SMAD9: variants seen among roughly 807,000 people sequenced by gnomAD.
SMAD9 encodes the protein MAD homolog 9.
A neutral mutation model predicts 46.1 loss-of-function variants in SMAD9; 36 were observed. The ratio of observed to expected loss-of-function variants is 0.78; its 90% CI spans 0.60 to 1.03. The LOEUF (loss-of-function observed/expected upper bound fraction) is 1.03, where lower values mean the gene tolerates loss of function less well. Ranked by LOEUF, SMAD9 falls within the 50% of genes least tolerant of loss-of-function variation. SMAD9 has a pLI of 0.00. For synonymous variants in SMAD9, 245 were observed against 237.1 expected (o/e 1.03, Z -0.31); for missense variants, 572 against 599.8 (o/e 0.95, Z 0.48).
At chr13:36,919,080 AT>A (rs1053769237) in intron 1 of SMAD9, among the ~76,000 whole-genome samples, 1 of 152,236 alleles carries the variant, frequency 6.6e-6, no homozygotes, top group African/African-American at 2.4e-5. Flanking sequence ...TGGGTAAAGA[AT>A]TTACATACAA....
intron 1 of SMAD9, among the ~76,000 whole-genome samples, chr13:36,889,076 T>C (rs909197674): frequency 2.6e-5 from 4 of 152,230 alleles, no homozygotes; most frequent in African/African-American, 9.6e-5. Context: ...GGTTGCCCAC[T>C]GTCTTTCCAA....
intron 1 of SMAD9, among the ~76,000 whole-genome samples, chr13:36,910,152 G>C (rs534919338): frequency 5.3e-5 from 8 of 151,686 alleles, no homozygotes; most frequent in African/African-American, 1.9e-4. Context: ...AGCCGAGATC[G>C]CGCCACTGTA....
chr13:36,863,286 G>A (rs548747027), intron 5 of SMAD9, among the ~76,000 whole-genome samples: 63 of 152,174 alleles, frequency 4.1e-4, no homozygotes, highest in Admixed American at 3.9e-3. Context: ...CAAGGCTTGT[G>A]GCATGTCCAA....
At position 36,865,614 on chromosome 13, in the gene SMAD9, T is replaced by C; in HGVS notation, c.926A>G (p.Asn309Ser). ...AGAAAGAAGTCCAAGACAGAATCTG[T>C]TCCTGTTATTTGAAGGGTCGGTGAA... ...DGFTDPSNNR[N>S]RFCLGLLSNV... The change falls in exon 5 of 7, where the codon AAC (asparagine) becomes AGC (serine). Residue 309 changes from asparagine (N) to serine (S), a missense_variant. Transcript: ENST00000379826. 1 of 1,614,170 alleles carries C rather than the reference T, an allele frequency of 6.2e-7. No homozygotes were observed. Among genetic ancestry groups the C allele is most frequent in the Admixed American group, 1.7e-5 (1 of 60,018 alleles).
intron 1 of SMAD9, among the ~76,000 whole-genome samples, chr13:36,900,720 CACACACATAA>C (rs2058568175): frequency 1.5e-5 from 2 of 136,596 alleles, no homozygotes; most frequent in African/African-American, 5.6e-5. Flanking sequence ...CACACACACA[CACACACATAA>C]ATGTAAATTA....
chr13:36,853,323 G>A, intron 6 of SMAD9, 96 bp downstream of exon 6: 2 of 1,201,848 alleles, frequency 1.7e-6, no homozygotes. Context: ...TTGTCTATCA[G>A]AATTGACCGC....
rs770040180 is a variant in SMAD9 at position 36,920,187 on chromosome 13, AGCGGCGGCGGCGGCGGCG to A, written c.-276_-259del. 2.8e-5 allele frequency: 4 copies of A among 145,060 alleles called. No individual in the cohort carries two copies. The highest frequency in any genetic ancestry group is 4.1e-5 in the Non-Finnish European group (3 of 72,786). The allele number at this position is 145,060 out of a possible 1,614,324, so 9.0% of individuals were successfully genotyped here. On this transcript the variant is annotated 5_prime_UTR_variant, in exon 1 of 7. Coordinates refer to ENST00000379826, the MANE Select transcript of SMAD9 (RefSeq NM_001127217.3). The stretch of plus-strand genomic sequence containing the variant: ...CGGGGACCGAGACAGCGGCTGCAGC[AGCGGCGGCGGCGGCGGCG>A]GCGGCGGCGGCCCCAGCCGGCGTCA...
intron 2 of SMAD9, 129 bp downstream of exon 2, chr13:36,879,149 T>A: frequency 1.2e-6 from 1 of 814,424 alleles, no homozygotes. Flanking sequence ...AAACTGAACC[T>A]CCCTCTCCTC....
intron 1 of SMAD9, among the ~76,000 whole-genome samples, chr13:36,884,434 T>C (rs1393094942): frequency 6.6e-6 from 1 of 152,112 alleles, no homozygotes; most frequent in African/African-American, 2.4e-5. Flanking sequence ...CTTCACACAC[T>C]TGCAGCATAA....
At chr13:36,882,412 T>G (rs912317111) in intron 1 of SMAD9, among the ~76,000 whole-genome samples, 1 of 152,246 alleles carries the variant, frequency 6.6e-6, no homozygotes, top group Non-Finnish European at 1.5e-5. Context: ...TGACCTTCAG[T>G]GGCCACCACA....
At chr13:36,904,582 C>T (rs1405174126) in intron 1 of SMAD9, among the ~76,000 whole-genome samples, 1 of 152,180 alleles carries the variant, frequency 6.6e-6, no homozygotes, top group Non-Finnish European at 1.5e-5. Flanking sequence ...CAATTTATTA[C>T]CTCATCTGCA....
chr13:36,872,790 A>G lies in SMAD9; in HGVS notation c.538T>C (p.Ser180Pro). Residue 180 changes from serine to proline, a missense_variant, in exon 3 of 7, where the codon TCT becomes CCT. By Grantham distance (74) the Ser-to-Pro change is moderately conservative. Transcript: ENST00000379826. ...GCAGAGCACGGAGGCTGCTGGAAAG[A>G]GTCAGGATAGGTGGCGTTGTGTGGC... ...LMPHNATYPD[S>P]FQQPPCSALP... 6.2e-7 allele frequency: 1 copy of G among 1,614,028 alleles called. No homozygotes were observed. The highest frequency in any genetic ancestry group is 8.5e-7 in the Non-Finnish European group (1 of 1,180,000).
intron 5 of SMAD9, among the ~76,000 whole-genome samples, chr13:36,854,131 C>T (rs2138291809): frequency 6.6e-6 from 1 of 151,922 alleles, no homozygotes. Flanking sequence ...TGAACTCCAG[C>T]CTGGGTGACA....
chr13:36,870,700 CTA>C (rs760630540), intron 3 of SMAD9, among the ~76,000 whole-genome samples: 198 of 152,242 alleles, frequency 1.3e-3, no homozygotes, highest in Non-Finnish European at 1.6e-3. Flanking sequence ...ACCACATATA[CTA>C]TGTTTTTTTT....
At position 36,848,726 on chromosome 13, in the gene SMAD9, C is replaced by T; in HGVS notation, c.1354G>A (p.Val452Ile). Reference protein sequence around the residue: ...LHGPLQWLDKVLTQMGSPHNP... With the variant: ...LHGPLQWLDKILTQMGSPHNP... ...TGTGGAGAGCCCATCTGAGTCAGAA[C>T]TTTGTCCAGCCACTGCAGTGGCCCA... Residue 452 changes from valine to isoleucine, a missense_variant, in exon 7 of 7, where the codon GTT becomes ATT. Val to Ile is a conservative substitution (Grantham distance 29, BLOSUM62 3). Transcript: ENST00000379826. 1 of 1,614,136 alleles carries T rather than the reference C, an allele frequency of 6.2e-7. No individual in the cohort carries two copies. Among genetic ancestry groups the T allele is most frequent in the Middle Eastern group, 1.6e-4 (1 of 6,062 alleles).
intron 1 of SMAD9, among the ~76,000 whole-genome samples, chr13:36,899,712 A>T (rs1566036833): frequency 6.6e-6 from 1 of 152,210 alleles, no homozygotes; most frequent in Non-Finnish European, 1.5e-5. Flanking sequence ...AAGAGGCTGA[A>T]CTGAAGGATG....
chr13:36,910,163 C>G (rs1180463609), intron 1 of SMAD9, among the ~76,000 whole-genome samples: 1 of 151,466 alleles, frequency 6.6e-6, no homozygotes, highest in Non-Finnish European at 1.5e-5. Flanking sequence ...CGCCACTGTA[C>G]TCCGGCGTGG....
chr13:36,879,255 T>C (rs1246970718), intron 2 of SMAD9, 23 bp downstream of exon 2: 3 of 1,610,286 alleles, frequency 1.9e-6, no homozygotes, highest in Non-Finnish European at 2.5e-6. Context: ...AAAATAAACC[T>C]TGACGTCGTA....
chr13:36,873,402 C>T (rs894953861), intron 2 of SMAD9, among the ~76,000 whole-genome samples: 12 of 152,128 alleles, frequency 7.9e-5, no homozygotes, highest in African/African-American at 2.9e-4. Context: ...ATTTTTCCTT[C>T]AGAGATCATG....
Sources: allele counts gnomAD v4.1 joint callset (sites outside exome capture counted in the v4.1 genomes callset), GRCh38; gene constraint gnomAD v4.1.1; transcripts MANE v1.5; gene names NCBI Gene and HGNC (gene_info 2026-07-23, HGNC 2026-07-21).